IFRD1: variants seen among roughly 807,000 people sequenced by gnomAD.
IFRD1 encodes interferon-related developmental regulator 1.
A neutral mutation model predicts 52.9 loss-of-function variants in IFRD1; 35 were observed. The ratio of observed to expected loss-of-function variants is 0.66; its 90% confidence interval spans 0.51 to 0.88. The LOEUF is 0.88. IFRD1 is among the 40% of genes least tolerant of loss of function. The pLI is 0.00. For synonymous variants in IFRD1, 184 were observed against 188.4 expected, an observed-to-expected ratio of 0.98 and a Z score of 0.19; for missense variants, 517 against 550.8, an observed-to-expected ratio of 0.94 and a Z score of 0.61.
intron 8 of IFRD1, chr7:112,467,494 T>C (rs1795640397): frequency 5.9e-6 from 1 of 168,120 alleles, no homozygotes; most frequent in Non-Finnish European, 1.3e-5. Context: ...CCTTAAATAA[T>C]TTAATCACCT....
At position 112,456,945 on chromosome 7, in the gene IFRD1, A is replaced by G; in HGVS notation, c.316A>G (p.Ile106Val). ...GACAAGGCAAGCAGCTCTTGAAGGT[A>G]TTAAAAATGCACTGGCTTCAAAAAT... is the stretch of plus-strand genomic sequence containing the variant. Reference protein sequence around the residue: ...AKTRQAALEGIKNALASKMLY... With the variant: ...AKTRQAALEGVKNALASKMLY... The change falls in exon 4 of 12, where the codon ATT becomes GTT. Residue 106 changes from isoleucine (I) to valine (V), a missense_variant. Coordinates refer to ENST00000403825, the MANE Select transcript of IFRD1 (RefSeq NM_001550.4). The G allele has an allele frequency of 6.2e-7, 1 of 1,613,978 alleles. No homozygotes were observed.
intron 3 of IFRD1, among the ~76,000 whole-genome samples, chr7:112,456,516 A>G (rs772891108): frequency 3.3e-5 from 5 of 152,198 alleles, no homozygotes; most frequent in Non-Finnish European, 7.3e-5. Context: ...ATAGCTTCAG[A>G]ACTGACCTTA....
chr7:112,460,086 A>C (rs1795396874), intron 5 of IFRD1, among the ~76,000 whole-genome samples: 1 of 152,092 alleles, frequency 6.6e-6, no homozygotes, highest in Non-Finnish European at 1.5e-5. Context: ...TGCTGGGTAG[A>C]TTTTTGGAGC....
chr7:112,451,298 G>A (rs1795156721), intron 1 of IFRD1, among the ~76,000 whole-genome samples: 1 of 152,204 alleles, frequency 6.6e-6, no homozygotes. Flanking sequence ...GTGACGCAGA[G>A]GCGCTGGGGA....
At chr7:112,445,405 T>C (rs935955536) in intron 1 of IFRD1, among the ~76,000 whole-genome samples, 1 of 152,150 alleles carries the variant, frequency 6.6e-6, no homozygotes, top group Non-Finnish European at 1.5e-5. Context: ...TGTTTACCAA[T>C]GGTACGACCT....
In IFRD1 at chr7:112,475,437, A is replaced by T; in HGVS notation, c.1274A>T (p.Tyr425Phe). ...MKISRFERHL[Y>F]NSAAFKARTK... ...TCCTTTTTTTCATTTTAGCATTTAT[A>T]TAACTCTGCAGCCTTCAAAGCTCGA... The change falls in exon 12 of 12, where the codon TAT becomes TTT. Residue 425 changes from tyrosine to phenylalanine, a missense_variant. Tyr to Phe is a conservative substitution (Grantham distance 22). Transcript: ENST00000403825. 6.2e-7 allele frequency: 1 copy of T among 1,603,646 alleles called. No individual in the cohort carries two copies. The highest frequency in any genetic ancestry group is 8.5e-7 in the Non-Finnish European group (1 of 1,170,924).
upstream of IFRD1, among the ~76,000 whole-genome samples, chr7:112,445,582 C>T (rs138920375): frequency 3.2e-3 from 484 of 152,350 alleles, no homozygotes; most frequent in African/African-American, 0.011. Flanking sequence ...CTTTTCCCCA[C>T]ATTAGTTCCT....
intron 1 of IFRD1, among the ~76,000 whole-genome samples, chr7:112,427,422 A>G (rs573590281): frequency 6.6e-6 from 1 of 152,310 alleles, no homozygotes; most frequent in East Asian, 1.9e-4. Flanking sequence ...CCCTAAACTG[A>G]TCACCACTGG....
chr7:112,454,307 C>T (rs1205921297), intron 1 of IFRD1, among the ~76,000 whole-genome samples: 3 of 152,004 alleles, frequency 2.0e-5, no homozygotes, highest in African/African-American at 7.3e-5. Context: ...GATTCTGTGC[C>T]TCAGCCTCCC....
chr7:112,443,905 A>C (rs1228920902), intron 1 of IFRD1, among the ~76,000 whole-genome samples: 1 of 151,504 alleles, frequency 6.6e-6, no homozygotes, highest in Non-Finnish European at 1.5e-5. Context: ...ATCCCCCACC[A>C]AAAAAACAAA....
At chr7:112,426,903 G>A (rs973027958) in intron 1 of IFRD1, among the ~76,000 whole-genome samples, 1 of 152,154 alleles carries the variant, frequency 6.6e-6, no homozygotes, top group Non-Finnish European at 1.5e-5. Context: ...CAGTTACCTG[G>A]AGGCCCCCCT....
At chr7:112,473,471 C>G (rs1313023443) in intron 11 of IFRD1, among the ~76,000 whole-genome samples, 2 of 151,484 alleles carry the variant, frequency 1.3e-5, no homozygotes, top group African/African-American at 4.9e-5. Flanking sequence ...GTCACTCAGA[C>G]TGGAGTGCAG....
At chr7:112,445,329 G>A (rs146965331) in intron 1 of IFRD1, among the ~76,000 whole-genome samples, 3,068 of 152,202 alleles carry the variant, frequency 0.02, 84 homozygotes, top group African/African-American at 0.06. Flanking sequence ...GCCTCCCAGA[G>A]TGCTAGGATT....
At chr7:112,475,356 C>A in intron 11 of IFRD1, 74 bp from the exon 12 acceptor site, 1 of 824,826 alleles carries the variant, frequency 1.2e-6, no homozygotes, top group Non-Finnish European at 2.1e-6. Flanking sequence ...TTCTTTGTGA[C>A]TTTTACCCTT....
chr7:112,472,523 T>TC (rs1321320741), intron 10 of IFRD1, among the ~76,000 whole-genome samples, 176 bp downstream of exon 10: 2 of 152,226 alleles, frequency 1.3e-5, no homozygotes, highest in Non-Finnish European at 2.9e-5. Flanking sequence ...CCTTTTTTTT[T>TC]CTTTGTATTG....
At chr7:112,474,801 A>G (rs1187893209) in intron 11 of IFRD1, among the ~76,000 whole-genome samples, 2 of 152,184 alleles carry the variant, frequency 1.3e-5, no homozygotes, top group African/African-American at 4.8e-5. Flanking sequence ...TTGACAGCCA[A>G]GTAGGACTAT....
chr7:112,446,135 GT>G (rs1252007641), upstream of IFRD1: 1 of 156,828 alleles, frequency 6.4e-6, no homozygotes, highest in Admixed American at 6.4e-5. Context: ...TGTTTTGTTA[GT>G]TCATGTCTTT....
chr7:112,461,792 A>G (rs1417007038), intron 5 of IFRD1, 74 bp from the exon 6 acceptor site: 7 of 829,786 alleles, frequency 8.4e-6, no homozygotes, highest in Middle Eastern at 3.6e-4. Context: ...ACGTTGAATT[A>G]TAAAAGCAGG....
Position 112,472,748 on chromosome 7 carries a change from C to A in IFRD1, c.1171-18C>A. 6.6e-7 allele frequency: 1 copy of A among 1,523,486 alleles called. No individual in the cohort carries two copies. The highest frequency in any genetic ancestry group is 9.1e-7 in the Non-Finnish European group (1 of 1,097,432). 94.4% of individuals were successfully genotyped at this position (1,523,486 alleles called of 1,614,324 possible). On this transcript the variant is annotated intron_variant, in intron 10 of 11. Coordinates refer to ENST00000403825, the MANE Select transcript of IFRD1 (RefSeq NM_001550.4). Reference sequence around the variant, plus strand: ...AATGTTTAATACTGAGCCATACCACCTTTTTCTTTCACATAAGTCAAATGA... The same window carrying A: ...AATGTTTAATACTGAGCCATACCACATTTTTCTTTCACATAAGTCAAATGA...
Sources: allele counts gnomAD v4.1 joint callset (sites outside exome capture counted in the v4.1 genomes callset), GRCh38; gene constraint gnomAD v4.1.1; transcripts MANE v1.5; gene names NCBI Gene and HGNC (gene_info 2026-07-23, HGNC 2026-07-21).